COL20A1: variants seen among roughly 807,000 people sequenced by gnomAD.
COL20A1 encodes collagen type XX alpha 1 chain.
A neutral mutation model predicts 152.9 loss-of-function variants in COL20A1; 164 were observed. The ratio of observed to expected loss-of-function variants is 1.07; its 90% confidence interval spans 0.94 to 1.22. The LOEUF (loss-of-function observed/expected upper bound fraction) is 1.22, where lower values mean the gene tolerates loss of function less well. Among genes scored for constraint, COL20A1 ranks in the 50% most tolerant of loss-of-function variants. COL20A1 has a pLI of 0.00. For missense variants in COL20A1, 1,873 were observed against 1,744.8 expected (o/e 1.07, Z -1.31); for synonymous variants, 864 against 756.0 (o/e 1.14, Z -2.34).
At position 63,307,970 on chromosome 20, in the gene COL20A1, G is replaced by C. The variant is rs780561683; in HGVS notation, c.656-1G>C. ...CCCGTGGCCATGCCCCTGCTCCCCA[G>C]GCCTGACTCAGTACAGCGGGGATGC... is the stretch of plus-strand genomic sequence containing the variant. On this transcript the variant is annotated splice_acceptor_variant, in intron 6 of 35. Coordinates refer to ENST00000358894, the MANE Select transcript of COL20A1 (RefSeq NM_020882.4). LOFTEE classifies it high-confidence loss of function. 1.1e-4 allele frequency: 182 copies of C among 1,612,252 alleles called. No individual in the cohort carries two copies. The highest frequency in any genetic ancestry group is 1.5e-4 in the Non-Finnish European group (181 of 1,179,586).
chr20:63,295,008 C>T (rs1283652055), intron 1 of COL20A1, 90 bp from the exon 2 acceptor site: 5 of 799,952 alleles, frequency 6.3e-6, no homozygotes, highest in Non-Finnish European at 8.0e-6. Flanking sequence ...GCTGCCTGGC[C>T]CTCGAGGATT....
At position 63,319,878 on chromosome 20, in the gene COL20A1, G is replaced by C. The variant is rs997829482; in HGVS notation, c.2917-161G>C. On this transcript the variant is annotated intron_variant, in intron 23 of 35. Transcript: ENST00000358894. The surrounding 1 kb of genome is among the most constrained non-coding windows in gnomAD (Gnocchi z 4.4). ...AGAGGGGAAGCCGAGGCCCAGCAAGGGGGGGTTCTCCCAGGGTCCCCCGAA... is the reference window on the plus strand; with the variant it reads ...AGAGGGGAAGCCGAGGCCCAGCAAGCGGGGGTTCTCCCAGGGTCCCCCGAA... Among the ~76,000 whole-genome samples the C allele has an allele frequency of 6.6e-6, 1 of 152,148 alleles. No homozygotes were observed. Among genetic ancestry groups the C allele is most frequent in the African/African-American group, 2.4e-5 (1 of 41,442 alleles).
intron 21 of COL20A1, among the ~76,000 whole-genome samples, chr20:63,317,236 A>T (rs1326106958): frequency 6.6e-6 from 1 of 152,184 alleles, no homozygotes; most frequent in Non-Finnish European, 1.5e-5. Context: ...AGTCCCAGCT[A>T]CTGGGGAGGC....
At chr20:63,309,626 C>A in intron 9 of COL20A1, 129 bp downstream of exon 9, 2 of 1,222,918 alleles carry the variant, frequency 1.6e-6, no homozygotes, top group South Asian at 1.6e-5. Flanking sequence ...GTCTGCAGCA[C>A]CCCCTTACAT....
At position 63,313,532 on chromosome 20, in the gene COL20A1, TGGTGTG is replaced by T. The variant is rs1362458727; in HGVS notation, c.2210-203_2210-198del. Among the ~76,000 whole-genome samples the T allele has an allele frequency of 6.6e-6, 1 of 151,198 alleles. No homozygotes were observed. The highest frequency in any genetic ancestry group is 1.5e-5 in the Non-Finnish European group (1 of 67,766). On this transcript the variant is annotated intron_variant, in intron 17 of 35. Coordinates refer to ENST00000358894, the MANE Select transcript of COL20A1 (RefSeq NM_020882.4). This position sits in a 1 kb window ranked among gnomAD's most constrained non-coding sequence, Gnocchi z 5.9. ...ATGGTGAGGGCCCTGGCAGGTGGCG[TGGTGTG>T]GGTGTGGTGGGGTGCGGTGTGGGCA...
chr20:63,320,044 C>G lies in COL20A1; in HGVS notation c.2922C>G (p.His974Gln). Residue 974 changes from histidine to glutamine, a missense_variant, in exon 24 of 36, where the codon CAC (histidine) becomes CAG (glutamine). Physicochemically the swap from His to Gln is conservative, Grantham distance 24. Transcript: ENST00000358894. ...KIFFGSFHKV[H>Q]VAVGRSKVRL... ...CCTCCCGTGCCGTCTCACAGGTGCACGTGGCTGTGGGCCGCTCCAAGGTCA... is the reference window on the plus strand; with the variant it reads ...CCTCCCGTGCCGTCTCACAGGTGCAGGTGGCTGTGGGCCGCTCCAAGGTCA... The G allele has an allele frequency of 6.4e-7, 1 of 1,553,520 alleles. No individual in the cohort carries two copies. Among genetic ancestry groups the G allele is most frequent in the Non-Finnish European group, 8.7e-7 (1 of 1,149,294 alleles).
chr20:63,307,768 G>A (rs1403169571), intron 6 of COL20A1, 120 bp downstream of exon 6: 9 of 1,260,584 alleles, frequency 7.1e-6, no homozygotes, highest in Non-Finnish European at 9.8e-6. Context: ...TTGTGGGGTG[G>A]GACGCCTGCT....
chr20:63,316,531 C>A, intron 20 of COL20A1, 22 bp from the exon 21 acceptor site: 1 of 1,580,910 alleles, frequency 6.3e-7, no homozygotes, highest in Admixed American at 1.8e-5. Context: ...CTCGGTGCCC[C>A]TTCCCCCACC....
chr20:63,309,283 C>T (rs1038757047), intron 8 of COL20A1, 50 bp from the exon 9 acceptor site: 17 of 1,362,122 alleles, frequency 1.2e-5, no homozygotes, highest in African/African-American at 1.2e-4. Context: ...CAGGTGGCCC[C>T]GTCGGGTGAC....
At chr20:63,315,489 T>C (rs2068072695) in intron 20 of COL20A1, 50 bp downstream of exon 20, 1 of 1,503,006 alleles carries the variant, frequency 6.7e-7, no homozygotes, top group Non-Finnish European at 8.9e-7. Context: ...TCTCTCGGGC[T>C]CTTCCTGGGC....
At chr20:63,300,812 T>C (rs2067854738) in intron 3 of COL20A1, among the ~76,000 whole-genome samples, 1 of 152,234 alleles carries the variant, frequency 6.6e-6, no homozygotes, top group Admixed American at 6.5e-5. Flanking sequence ...GCAGTAGCTA[T>C]AGCTGCATTT....
intron 3 of COL20A1, among the ~76,000 whole-genome samples, chr20:63,303,511 A>G (rs2067883553): frequency 6.6e-6 from 1 of 152,188 alleles, no homozygotes; most frequent in African/African-American, 2.4e-5. Context: ...TTTGTGCCTC[A>G]GTTTTCCTAT....
chr20:63,325,417 G>C, intron 27 of COL20A1, 24 bp from the exon 28 acceptor site: 1 of 1,596,750 alleles, frequency 6.3e-7, no homozygotes, highest in Non-Finnish European at 8.6e-7. Flanking sequence ...CCGCTTCGCT[G>C]TCCAGCCCAT....
rs780194293 is a variant in COL20A1, at chr20:63,311,634, G to C, written c.1549G>C (p.Gly517Arg). 3.7e-6 allele frequency: 6 copies of C among 1,610,124 alleles called. No individual in the cohort carries two copies. Among genetic ancestry groups the C allele is most frequent in the Non-Finnish European group, 5.1e-6 (6 of 1,179,642 alleles). ...CGTCATGTCTCTGCAGGTGCAGGTC[G>C]GGCGGCCCGAGGTGCTGCTGGATGG... ...GEEEEREVQV[G>R]RPEVLLDGLE... The change falls in exon 13 of 36, where the codon GGG becomes CGG. Residue 517 changes from glycine (G) to arginine (R), a missense_variant. Transcript: ENST00000358894. The surrounding 1 kb of genome is among the most constrained non-coding windows in gnomAD (Gnocchi z 4.4).
At chr20:63,309,580 G>A in intron 9 of COL20A1, 83 bp downstream of exon 9, 1 of 1,349,666 alleles carries the variant, frequency 7.4e-7, no homozygotes, top group Non-Finnish European at 9.8e-7. Flanking sequence ...TGGCTCCCGT[G>A]TGGTACCTGA....
At chr20:63,303,266 G>A (rs1331463943) in intron 3 of COL20A1, among the ~76,000 whole-genome samples, 1 of 152,128 alleles carries the variant, frequency 6.6e-6, no homozygotes, top group Non-Finnish European at 1.5e-5. Flanking sequence ...TCACTATACT[G>A]CCCAGGCTGG....
rs2068367087 is a variant in COL20A1 at position 63,334,246 on chromosome 20, A to G, written c.*3530A>G. On this transcript the variant is annotated 3_prime_UTR_variant, in exon 36 of 36. Coordinates refer to ENST00000358894, the MANE Select transcript of COL20A1 (RefSeq NM_020882.4). ...AAGCTAAAGAATGCCTCTAGAAGCT[A>G]AAAGACACACCCATGACTCCACAGT... 6.6e-6 allele frequency: 1 copy of G among 152,262 alleles called. No individual in the cohort carries two copies. Among genetic ancestry groups the G allele is most frequent in the Non-Finnish European group, 1.5e-5 (1 of 68,050 alleles). The allele number at this position is 152,262 out of a possible 1,614,324, so 9.4% of individuals were successfully genotyped here.
chr20:63,319,206 G>T lies in COL20A1; in HGVS notation c.2806+6G>T. 6.2e-7 allele frequency: 1 copy of T among 1,611,188 alleles called. No homozygotes were observed. Among genetic ancestry groups the T allele is most frequent in the African/African-American group, 1.3e-5 (1 of 74,768 alleles). ...CCTTGGGGTTCTGCTGGATGGTGAC[G>T]TGGGCCCCGCGTCGCCCCCAGCAGT... is the stretch of plus-strand genomic sequence containing the variant. On this transcript the variant is annotated splice_donor_region_variant and intron_variant, in intron 22 of 35. Transcript: ENST00000358894. This position sits in a 1 kb window ranked among gnomAD's most constrained non-coding sequence, Gnocchi z 4.4.
Position 63,313,766 on chromosome 20 carries a change from T to G in COL20A1, c.2233T>G (p.Ser745Ala). 6.2e-7 allele frequency: 1 copy of G among 1,604,048 alleles called. No homozygotes were observed. Among genetic ancestry groups the G allele is most frequent in the Non-Finnish European group, 8.5e-7 (1 of 1,175,876 alleles). ...TPSTVSRSPP[S>A]NLALASETPD... ...AGCCACGGTGAGCAGGAGCCCACCCTCCAACCTGGCCCTGGCCTCGGAGAC... is the reference window on the plus strand; with the variant it reads ...AGCCACGGTGAGCAGGAGCCCACCCGCCAACCTGGCCCTGGCCTCGGAGAC... Residue 745 changes from serine to alanine, a missense_variant, in exon 18 of 36, where the codon TCC (serine) becomes GCC (alanine). Ser to Ala is a moderately conservative substitution (Grantham distance 99, BLOSUM62 1). Coordinates refer to ENST00000358894, the MANE Select transcript of COL20A1 (RefSeq NM_020882.4). The surrounding 1 kb of genome is among the most constrained non-coding windows in gnomAD (Gnocchi z 5.9).
Sources: gnomAD v4.1 joint callset for allele counts (sites outside exome capture counted in the v4.1 genomes callset) on GRCh38, gnomAD v4.1.1 for gene constraint, Gnocchi (gnomAD v3.1) non-coding constraint, MANE v1.5 for transcripts, NCBI Gene and HGNC (gene_info 2026-07-23, HGNC 2026-07-21) for gene names.